The following ZNF704 variants were observed in gnomAD, a reference collection of about 807,000 sequenced individuals.
ZNF704 encodes the protein zinc finger protein 704.
In ZNF704, 10 loss-of-function variants were observed where a neutral mutation model predicts 44.7. The ratio of observed to expected loss-of-function variants is 0.22; its 90% CI spans 0.14 to 0.38. The LOEUF is 0.38. Among genes scored for constraint, ZNF704 ranks in the 10% least tolerant of loss-of-function variants. ZNF704 has a pLI of 1.00. For missense variants in ZNF704, 390 were observed against 545.5 expected (o/e 0.71, Z 2.84); for synonymous variants, 211 against 207.6 (o/e 1.02, Z -0.14).
chr8:80,671,470 T>C, intron 4 of ZNF704, among the ~76,000 whole-genome samples: 1 of 152,238 alleles, frequency 6.6e-6, no homozygotes, highest in East Asian at 1.9e-4. Flanking sequence ...ACAGCATTAT[T>C]ATGAGGATTA....
chr8:80,721,753 C>T lies in ZNF704; in HGVS notation c.222-28646G>A, dbSNP rs542452729. Among the ~76,000 whole-genome samples, 604 of 152,236 alleles carry T rather than the reference C, an allele frequency of 4.0e-3. 1 individual carries two copies. Among genetic ancestry groups the T allele is most frequent in the Non-Finnish European group, 5.4e-3 (367 of 68,026 alleles). On this transcript the variant is annotated intron_variant, in intron 2 of 8. Transcript: ENST00000327835. Reference sequence around the variant, plus strand: ...AAACTGTTACTATTATTATTTAACACTTATAGTCCAGTGGAAGAACTGTAG... The same window carrying T: ...AAACTGTTACTATTATTATTTAACATTTATAGTCCAGTGGAAGAACTGTAG...
chr8:80,747,165 T>A (rs890256456), intron 2 of ZNF704, among the ~76,000 whole-genome samples: 4 of 152,140 alleles, frequency 2.6e-5, no homozygotes, highest in Non-Finnish European at 5.9e-5. Context: ...CAATTCTGAC[T>A]TCCAGGCAAG....
chr8:80,731,720 C>G (rs1297204558), intron 2 of ZNF704, among the ~76,000 whole-genome samples: 4 of 152,124 alleles, frequency 2.6e-5, no homozygotes, highest in Non-Finnish European at 5.9e-5. Flanking sequence ...TATAATCATG[C>G]CACTGCACTC....
At chr8:80,705,143 G>C (rs1331393335) in intron 2 of ZNF704, among the ~76,000 whole-genome samples, 1 of 152,204 alleles carries the variant, frequency 6.6e-6, no homozygotes, top group Non-Finnish European at 1.5e-5. Flanking sequence ...TGGGAGTGCA[G>C]TGGGAGAGCC....
intron 1 of ZNF704, among the ~76,000 whole-genome samples, chr8:80,825,199 A>G (rs955607272): frequency 1.3e-5 from 2 of 151,918 alleles, no homozygotes; most frequent in Non-Finnish European, 2.9e-5. Flanking sequence ...GCAGAGACAC[A>G]CATAGGCTCA....
intron 2 of ZNF704, among the ~76,000 whole-genome samples, chr8:80,724,800 C>T (rs1806447276): frequency 1.3e-5 from 2 of 152,170 alleles, no homozygotes; most frequent in Non-Finnish European, 2.9e-5. Flanking sequence ...TCCTTCCCCT[C>T]AAAACGATAA....
chr8:80,800,642 G>C (rs1807883461), intron 2 of ZNF704, among the ~76,000 whole-genome samples: 1 of 152,114 alleles, frequency 6.6e-6, no homozygotes, highest in Non-Finnish European at 1.5e-5. Flanking sequence ...GGCCTGCCTT[G>C]CAAGAGCTTC....
intron 7 of ZNF704, among the ~76,000 whole-genome samples, chr8:80,645,671 T>C (rs1817819331): frequency 6.6e-6 from 1 of 152,164 alleles, no homozygotes; most frequent in African/African-American, 2.4e-5. Flanking sequence ...CCTTCCACCA[T>C]GAGTAAAAGC....
chr8:80,808,002 C>T (rs1808018454), intron 2 of ZNF704, among the ~76,000 whole-genome samples: 2 of 152,174 alleles, frequency 1.3e-5, no homozygotes, highest in Admixed American at 6.5e-5. Context: ...CCACCAGCTT[C>T]GGACAAACAG....
chr8:80,764,874 G>T (rs1202663773), intron 2 of ZNF704, among the ~76,000 whole-genome samples: 1 of 152,180 alleles, frequency 6.6e-6, no homozygotes, highest in East Asian at 1.9e-4. Flanking sequence ...AAGAAGGAAT[G>T]ATATTCAGCT....
chr8:80,742,969 C>T (rs1289925193), intron 2 of ZNF704, among the ~76,000 whole-genome samples: 1 of 152,070 alleles, frequency 6.6e-6, no homozygotes, highest in East Asian at 1.9e-4. Flanking sequence ...ACTTAGCTCA[C>T]ACCCAACCAA....
intron 2 of ZNF704, among the ~76,000 whole-genome samples, chr8:80,741,307 C>T (rs1169694866): frequency 6.6e-6 from 1 of 152,164 alleles, no homozygotes; most frequent in East Asian, 1.9e-4. Context: ...GTTAAGCTTG[C>T]CAACGGGGCA....
chr8:80,664,272 A>C (rs1818150364), intron 6 of ZNF704, among the ~76,000 whole-genome samples: 2 of 126,704 alleles, frequency 1.6e-5, no homozygotes, highest in African/African-American at 5.8e-5. Flanking sequence ...AACATTAGGG[A>C]TTTTTTTTTT....
chr8:80,853,518 GGAAAACAGA>G (rs1808905818), intron 1 of ZNF704, among the ~76,000 whole-genome samples: 1 of 151,464 alleles, frequency 6.6e-6, no homozygotes, highest in Non-Finnish European at 1.5e-5. Flanking sequence ...GCAGTTCTGT[GGAAAACAGA>G]CTTAAATGAG....
chr8:80,800,455 G>A (rs1409423462), intron 2 of ZNF704, among the ~76,000 whole-genome samples: 4 of 152,200 alleles, frequency 2.6e-5, no homozygotes, highest in African/African-American at 9.6e-5. Context: ...CAGACTAACA[G>A]TGGACCTCTC....
At chr8:80,872,004 A>G (rs1408912671) in intron 1 of ZNF704, among the ~76,000 whole-genome samples, 1 of 152,174 alleles carries the variant, frequency 6.6e-6, no homozygotes, top group Non-Finnish European at 1.5e-5. Context: ...TTTTCCCTAT[A>G]TTAAGCTTGT....
At chr8:80,872,138 C>T (rs1000272849) in intron 1 of ZNF704, among the ~76,000 whole-genome samples, 1 of 152,196 alleles carries the variant, frequency 6.6e-6, no homozygotes, top group African/African-American at 2.4e-5. Context: ...TCTTGATATT[C>T]AATGTCACTG....
chr8:80,650,698 C>A (rs1461727463), intron 7 of ZNF704, among the ~76,000 whole-genome samples: 2 of 152,170 alleles, frequency 1.3e-5, no homozygotes, highest in East Asian at 1.9e-4. Flanking sequence ...GACTGGTGTA[C>A]CCGAAAGTGA....
chr8:80,725,823 A>G (rs957942337), intron 2 of ZNF704, among the ~76,000 whole-genome samples: 1 of 152,206 alleles, frequency 6.6e-6, no homozygotes, highest in Non-Finnish European at 1.5e-5. Flanking sequence ...TTAAATGGAG[A>G]GAGATGTATT....
Sources: gnomAD v4.1 joint callset for allele counts (sites outside exome capture counted in the v4.1 genomes callset) on GRCh38, gnomAD v4.1.1 for gene constraint, MANE v1.5 for transcripts, NCBI Gene and HGNC (gene_info 2026-07-23, HGNC 2026-07-21) for gene names.